Variants in MEGF10 observed in about 807,000 individuals in gnomAD.
The protein encoded by MEGF10 is multiple epidermal growth factor-like domains protein 10.
A neutral mutation model predicts 147.5 loss-of-function variants in MEGF10; 86 were observed. The ratio of observed to expected loss-of-function variants is 0.58; its 90% CI spans 0.49 to 0.70. The LOEUF (loss-of-function observed/expected upper bound fraction) is 0.70. Ranked by LOEUF, MEGF10 falls within the 30% of genes least tolerant of loss-of-function variation. The pLI is 0.00. For synonymous variants in MEGF10, 478 were observed against 525.5 expected (o/e 0.91, Z 1.24); for missense variants, 1,329 against 1,487.3 (o/e 0.89, Z 1.75).
At chr5:127,450,737 A>ATGTTT (rs747858812) in intron 22 of MEGF10, among the ~76,000 whole-genome samples, 104 of 151,880 alleles carry the variant, frequency 6.8e-4, no homozygotes, top group African/African-American at 1.9e-3. Context: ...TCATTTGCTA[A>ATGTTT]TGTTTTGTTT....
intron 9 of MEGF10, among the ~76,000 whole-genome samples, chr5:127,415,896 C>CAAAA (rs1156648076): frequency 2.0e-4 from 11 of 55,584 alleles, no homozygotes; most frequent in African/African-American, 2.3e-4. Context: ...GACTCCATCT[C>CAAAA]AAAAAAAAAA....
intron 13 of MEGF10, among the ~76,000 whole-genome samples, chr5:127,433,037 G>A (rs1765436373): frequency 6.6e-6 from 1 of 152,294 alleles, no homozygotes; most frequent in African/African-American, 2.4e-5. Context: ...GTCACCAAGG[G>A]CTAAAAGATA....
chr5:127,454,537 T>G (rs1468052486), intron 22 of MEGF10, 29 bp from the exon 23 acceptor site: 1 of 1,597,620 alleles, frequency 6.3e-7, no homozygotes, highest in Non-Finnish European at 8.5e-7. Context: ...CAGTTCTCAC[T>G]GGGTGTTTTT....
chr5:127,410,447 T>A lies in MEGF10; in HGVS notation c.976T>A (p.Cys326Ser). 6.2e-7 allele frequency: 1 copy of A among 1,614,244 alleles called. No homozygotes were observed. The highest frequency in any genetic ancestry group is 2.2e-5 in the East Asian group (1 of 44,886). The change falls in exon 9 of 25, where the codon TGT becomes AGT. Residue 326 changes from cysteine to serine, a missense_variant. By Grantham distance (112) the Cys-to-Ser change is moderately radical. Around this residue, in one of 3 missense-constraint regions of MEGF10, gnomAD observed 980 missense variants for 1,085.9 expected, o/e 0.90. Coordinates refer to ENST00000503335, the MANE Select transcript of MEGF10 (RefSeq NM_001256545.2). ...CGTTCTCTGTGCTGAGACCTGCCAGTGTGTCAACGGAGGGAAGTGTTACCA... is the reference window on the plus strand; with the variant it reads ...CGTTCTCTGTGCTGAGACCTGCCAGAGTGTCAACGGAGGGAAGTGTTACCA... Reference protein sequence around the residue: ...YGVLCAETCQCVNGGKCYHVS... With the variant: ...YGVLCAETCQSVNGGKCYHVS...
chr5:127,322,877 C>T (rs1267450914), intron 1 of MEGF10, among the ~76,000 whole-genome samples: 3 of 151,814 alleles, frequency 2.0e-5, no homozygotes, highest in African/African-American at 4.8e-5. Flanking sequence ...GTAAAGGAGC[C>T]TAATGTGCAC....
intron 22 of MEGF10, among the ~76,000 whole-genome samples, chr5:127,453,026 A>G (rs1766215729): frequency 1.3e-5 from 2 of 152,102 alleles, no homozygotes; most frequent in South Asian, 4.1e-4. Flanking sequence ...TTCCTTCTCC[A>G]CAACAGTGTG....
At chr5:127,319,466 C>G (rs1409748882) in intron 1 of MEGF10, among the ~76,000 whole-genome samples, 1 of 152,102 alleles carries the variant, frequency 6.6e-6, no homozygotes, top group Non-Finnish European at 1.5e-5. Flanking sequence ...TGTTTAGATT[C>G]ATTCATTCAT....
At chr5:127,303,335 C>CTAA (rs1759858523) in intron 1 of MEGF10, among the ~76,000 whole-genome samples, 7 of 50,620 alleles carry the variant, frequency 1.4e-4, no homozygotes, top group African/African-American at 2.4e-4. Flanking sequence ...GACTCCATGT[C>CTAA]AAAAAAAAAA....
At chr5:127,349,490 A>G (rs1762011950) in intron 4 of MEGF10, among the ~76,000 whole-genome samples, 1 of 152,118 alleles carries the variant, frequency 6.6e-6, no homozygotes, top group Admixed American at 6.6e-5. Context: ...CTCATTAAAC[A>G]CTAACTACCC....
intron 13 of MEGF10, among the ~76,000 whole-genome samples, chr5:127,423,888 A>C (rs1580853491): frequency 6.6e-6 from 1 of 151,998 alleles, no homozygotes; most frequent in Non-Finnish European, 1.5e-5. Flanking sequence ...GATGAAGTCT[A>C]GTTTATCTTT....
intron 5 of MEGF10, among the ~76,000 whole-genome samples, chr5:127,375,140 C>A (rs559425286): frequency 2.0e-5 from 3 of 152,320 alleles, no homozygotes; most frequent in African/African-American, 7.2e-5. Context: ...ATCACTCCAA[C>A]CAGAAGTTTA....
intron 2 of MEGF10, among the ~76,000 whole-genome samples, chr5:127,333,133 C>T (rs1452312804): frequency 1.3e-5 from 2 of 151,956 alleles, no homozygotes; most frequent in Non-Finnish European, 2.9e-5. Flanking sequence ...AAATATGGGC[C>T]TGGAAGTATT....
rs573641869 is a variant in MEGF10, at chr5:127,369,133, C to T, written c.320-777C>T. Among the ~76,000 whole-genome samples, 4 of 152,190 alleles carry T rather than the reference C, an allele frequency of 2.6e-5. No homozygotes were observed. The South Asian group carries it at 8.3e-4, about 32-fold the overall frequency. On this transcript the variant is annotated intron_variant, in intron 4 of 24. Coordinates refer to ENST00000503335, the MANE Select transcript of MEGF10 (RefSeq NM_001256545.2). ...CCCCAAACCCTTTAAGTCGTTCTCA[C>T]AATTATGTATATATCCAGATATTTT...
chr5:127,331,808 G>A (rs1450109755), intron 2 of MEGF10, among the ~76,000 whole-genome samples: 1 of 152,082 alleles, frequency 6.6e-6, no homozygotes, highest in East Asian at 1.9e-4. Context: ...ATATACTAAA[G>A]TATTGAAATA....
At chr5:127,247,397 AGAAGAAGAAGAAGAAGAAGAAG>A in the MEGF10 span, among the ~76,000 whole-genome samples, 2 of 47,496 alleles carry the variant, frequency 4.2e-5, 1 homozygote, top group Non-Finnish European at 8.2e-5. Context: ...AAGAAGAAGA[AGAAGAAGAAGAAGAAGAAGAAG>A]AAGAAGAAGA....
Position 127,387,257 on chromosome 5 carries a change from G to A in MEGF10, c.413-9275G>A, listed in dbSNP as rs79791190. On this transcript the variant is annotated intron_variant, in intron 5 of 24. Coordinates refer to ENST00000503335, the MANE Select transcript of MEGF10 (RefSeq NM_001256545.2). Reference sequence around the variant, plus strand: ...TTAACATTTCTGTTTATCTCTAATCGTGCCCCCTTTCTTGTCCTTTGTCTA... The same window carrying A: ...TTAACATTTCTGTTTATCTCTAATCATGCCCCCTTTCTTGTCCTTTGTCTA... Among the ~76,000 whole-genome samples the A allele has an allele frequency of 7.7e-4, 117 of 151,932 alleles. 1 individual carries two copies. In the South Asian group the frequency reaches 0.016, roughly 21 times the overall value.
chr5:127,345,790 C>G (rs1349962001), intron 4 of MEGF10, among the ~76,000 whole-genome samples: 1 of 152,004 alleles, frequency 6.6e-6, no homozygotes, highest in East Asian at 1.9e-4. Flanking sequence ...TTTGGTGCAC[C>G]CATCAACCGA....
chr5:127,267,140 G>A, the MEGF10 span, among the ~76,000 whole-genome samples: 1 of 152,194 alleles, frequency 6.6e-6, no homozygotes, highest in African/African-American at 2.4e-5. Context: ...AAGGGATGTT[G>A]AATTTTGTCA....
At chr5:127,270,526 G>C in the MEGF10 span, among the ~76,000 whole-genome samples, 2 of 152,184 alleles carry the variant, frequency 1.3e-5, no homozygotes, top group Non-Finnish European at 2.9e-5. Flanking sequence ...TCAACAAGAA[G>C]AGCTAACTAT....
Sources: gnomAD v4.1 joint callset for allele counts (sites outside exome capture counted in the v4.1 genomes callset) on GRCh38, gnomAD v4.1.1 for gene constraint, gnomAD v4.1.1 regional missense constraint, MANE v1.5 for transcripts, NCBI Gene and HGNC (gene_info 2026-07-23, HGNC 2026-07-21) for gene names.